The following IGF2BP2 variants were observed in gnomAD, a reference collection of about 807,000 sequenced individuals.
IGF2BP2 encodes insulin-like growth factor 2 mRNA-binding protein 2.
IGF2BP2 carries 17 observed loss-of-function variants against 75.8 expected under a neutral mutation model. The ratio of observed to expected loss-of-function variants is 0.22; its 90% CI spans 0.15 to 0.34. The LOEUF is 0.34. Among genes scored for constraint, IGF2BP2 ranks in the 10% least tolerant of loss-of-function variants. The probability of loss-of-function intolerance (pLI) is 1.00; values close to 1 mark genes in which losing one functional copy is unlikely to be tolerated. For missense variants in IGF2BP2, 516 were observed against 772.4 expected (o/e 0.67, Z 3.93); for synonymous variants, 288 against 295.6 (o/e 0.97, Z 0.26).
At chr3:185,674,394 T>G (rs747559472) in intron 9 of IGF2BP2, among the ~76,000 whole-genome samples, 6 of 152,180 alleles carry the variant, frequency 3.9e-5, no homozygotes, top group Non-Finnish European at 7.3e-5. Context: ...TGAAAAAAAT[T>G]TACTCCTCTG....
At chr3:185,782,323 C>G (rs191951286) in intron 2 of IGF2BP2, among the ~76,000 whole-genome samples, 1 of 152,144 alleles carries the variant, frequency 6.6e-6, no homozygotes, top group Non-Finnish European at 1.5e-5. Context: ...TAAAATCACA[C>G]GGCTAATTTC....
chr3:185,651,964 C>G (rs927475608), intron 13 of IGF2BP2, 130 bp downstream of exon 13: 11 of 620,826 alleles, frequency 1.8e-5, no homozygotes, highest in Non-Finnish European at 3.0e-5. Flanking sequence ...ACAGGGTGAG[C>G]CTGAGCTTGG....
At chr3:185,672,472 C>T (rs756266506) in intron 10 of IGF2BP2, 69 bp downstream of exon 10, 175 of 1,506,530 alleles carry the variant, frequency 1.2e-4, no homozygotes, top group Non-Finnish European at 1.4e-4. Flanking sequence ...TGATTCCACA[C>T]AGCAGAGGCA....
rs544951710 is a variant in IGF2BP2 at position 185,734,121 on chromosome 3, C to G, written c.240-35774G>C. 4.6e-5 allele frequency among the ~76,000 whole-genome samples: 7 copies of G among 152,312 alleles called. No individual in the cohort carries two copies. The South Asian group carries it at 1.4e-3, about 32-fold the overall frequency. ...TAGGAATACAGTAACCCAGGGAAAC[C>G]TGCTCAAGTTCCTCTAGGCAGCTGC... On this transcript the variant is annotated intron_variant, in intron 2 of 15. Transcript: ENST00000382199.
chr3:185,809,818 A>T (rs1301683356), intron 2 of IGF2BP2, among the ~76,000 whole-genome samples: 1 of 152,224 alleles, frequency 6.6e-6, no homozygotes, highest in African/African-American at 2.4e-5. Flanking sequence ...TTACAGCTTC[A>T]ATCTTAATTT....
chr3:185,789,030 G>A (rs1269378641), intron 2 of IGF2BP2, among the ~76,000 whole-genome samples: 2 of 151,900 alleles, frequency 1.3e-5, no homozygotes, highest in African/African-American at 4.8e-5. Context: ...ATTTTTTTGA[G>A]ACAGGGTCTC....
At chr3:185,714,718 CGA>C (rs1560343920) in intron 2 of IGF2BP2, among the ~76,000 whole-genome samples, 1 of 152,106 alleles carries the variant, frequency 6.6e-6, no homozygotes, top group East Asian at 1.9e-4. Flanking sequence ...GAGGCCAAGT[CGA>C]GAGGATTGCT....
rs1427860020 is a variant in IGF2BP2 at position 185,643,682 on chromosome 3, CA to C, written c.*1848del. 6.6e-6 allele frequency: 1 copy of C among 152,480 alleles called. No homozygotes were observed. The highest frequency in any genetic ancestry group is 1.5e-5 in the Non-Finnish European group (1 of 68,026). 9.4% of individuals were successfully genotyped at this position (152,480 alleles called of 1,614,324 possible). ...GCCCAGGTCCCTCAGAGCTAGGACT[CA>C]GCTGACACCTGGGATGAGGCAATGC... On this transcript the variant is annotated 3_prime_UTR_variant, in exon 16 of 16. Coordinates refer to ENST00000382199, the MANE Select transcript of IGF2BP2 (RefSeq NM_006548.6).
intron 2 of IGF2BP2, among the ~76,000 whole-genome samples, chr3:185,703,817 C>G (rs1307634232): frequency 6.6e-6 from 1 of 152,058 alleles, no homozygotes; most frequent in African/African-American, 2.4e-5. Context: ...AAAACACCTG[C>G]TTTGGTGTGA....
intron 1 of IGF2BP2, among the ~76,000 whole-genome samples, 164 bp downstream of exon 1, chr3:185,824,603 GGGGAGCGGGCCGTCCC>G (rs1741796239): frequency 6.6e-6 from 1 of 151,734 alleles, no homozygotes; most frequent in African/African-American, 2.4e-5. Flanking sequence ...TGTGGGGGGA[GGGGAGCGGGCCGTCCC>G]AGGAGCGGGC....
intron 2 of IGF2BP2, among the ~76,000 whole-genome samples, chr3:185,775,965 A>G (rs1553886766): frequency 6.6e-6 from 1 of 152,216 alleles, no homozygotes; most frequent in Non-Finnish European, 1.5e-5. Flanking sequence ...CAATAGGCAA[A>G]TGGCAAGGTG....
intron 7 of IGF2BP2, among the ~76,000 whole-genome samples, chr3:185,677,068 T>TATATATATATATATATATAGAGAGAGAG: frequency 2.5e-4 from 9 of 35,860 alleles, no homozygotes; most frequent in South Asian, 2.2e-3. Flanking sequence ...TATATATATA[T>TATATATATATATATATATAGAGAGAGAG]AGAGAGAGAG....
At chr3:185,807,835 C>T (rs551706421) in intron 2 of IGF2BP2, among the ~76,000 whole-genome samples, 43 of 152,352 alleles carry the variant, frequency 2.8e-4, no homozygotes, top group African/African-American at 1.0e-3. Flanking sequence ...AGCTTAGTAG[C>T]CAACCTTCCA....
intron 10 of IGF2BP2, among the ~76,000 whole-genome samples, chr3:185,670,298 A>T (rs1427660525): frequency 2.0e-5 from 3 of 152,184 alleles, no homozygotes; most frequent in East Asian, 3.8e-4. Context: ...TTAAAAGAAA[A>T]ATTCTCTCCT....
chr3:185,740,231 AAAAT>A (rs753042470), intron 2 of IGF2BP2, among the ~76,000 whole-genome samples: 20 of 152,192 alleles, frequency 1.3e-4, no homozygotes, highest in Non-Finnish European at 2.8e-4. Context: ...ACTGGCATGA[AAAAT>A]AAATGTTTGT....
At chr3:185,753,270 CG>C (rs1203987772) in intron 2 of IGF2BP2, among the ~76,000 whole-genome samples, 1 of 152,150 alleles carries the variant, frequency 6.6e-6, no homozygotes, top group Non-Finnish European at 1.5e-5. Flanking sequence ...ACTTGCGGAA[CG>C]GGGTGCTCTC....
intron 10 of IGF2BP2, among the ~76,000 whole-genome samples, chr3:185,659,639 G>A (rs889772798): frequency 6.6e-6 from 1 of 151,534 alleles, no homozygotes; most frequent in Non-Finnish European, 1.5e-5. Flanking sequence ...GCCTCCCAAA[G>A]TGATATGATT....
chr3:185,697,606 A>G (rs1281136888), intron 3 of IGF2BP2, among the ~76,000 whole-genome samples: 1 of 152,220 alleles, frequency 6.6e-6, no homozygotes, highest in East Asian at 1.9e-4. Flanking sequence ...AACATACCTT[A>G]ACTGTCACAG....
intron 2 of IGF2BP2, among the ~76,000 whole-genome samples, chr3:185,762,051 TGTTA>T (rs934631876): frequency 3.9e-5 from 6 of 152,120 alleles, no homozygotes; most frequent in African/African-American, 1.4e-4. Flanking sequence ...GTATTTGTTT[TGTTA>T]GTGTTGGGTG....
Sources: allele counts gnomAD v4.1 joint callset (sites outside exome capture counted in the v4.1 genomes callset), GRCh38; gene constraint gnomAD v4.1.1; transcripts MANE v1.5; gene names NCBI Gene and HGNC (gene_info 2026-07-23, HGNC 2026-07-21).